Variants in DMD observed in about 807,000 individuals in gnomAD.
DMD encodes the protein dystrophin.
A neutral mutation model predicts 330.1 loss-of-function variants in DMD; 63 were observed. The ratio of observed to expected loss-of-function variants is 0.19; its 90% CI spans 0.16 to 0.24. The LOEUF is 0.24. Among genes scored for constraint, DMD ranks in the 10% least tolerant of loss-of-function variants. The pLI is 1.00. For synonymous variants in DMD, 1,223 were observed against 959.8 expected (o/e 1.27, Z -5.07); for missense variants, 3,344 against 2,684.1 (o/e 1.25, Z -5.43).
intron 1 of DMD, among the ~76,000 whole-genome samples, chrX:33,246,847 A>G (rs1234958306): frequency 9.1e-6 from 1 of 109,791 alleles, no homozygotes; most frequent in African/African-American, 3.3e-5. Context: ...CACCACCCCC[A>G]GCTAATTTTT....
chrX:32,634,021 G>T (rs1197763551), intron 11 of DMD, among the ~76,000 whole-genome samples: 1 of 111,661 alleles, frequency 9.0e-6, no homozygotes, highest in Non-Finnish European at 1.9e-5. Context: ...AAGAACCTAA[G>T]AAATCTACCT....
chrX:32,343,417 C>A (rs1298327230), intron 39 of DMD, 131 bp from the exon 40 acceptor site: 19 of 591,638 alleles, frequency 3.2e-5, no homozygotes, highest in Middle Eastern at 4.5e-4. Flanking sequence ...TATTTAAATG[C>A]AAAATATACA....
chrX:32,988,978 A>G (rs1438663182), intron 2 of DMD, among the ~76,000 whole-genome samples: 1 of 111,878 alleles, frequency 8.9e-6, no homozygotes, highest in African/African-American at 3.2e-5. Context: ...GTTGTGTATT[A>G]GGAAAAATTT....
At chrX:32,452,643 A>G (rs1225009977) in intron 26 of DMD, among the ~76,000 whole-genome samples, 1 of 111,026 alleles carries the variant, frequency 9.0e-6, no homozygotes, top group East Asian at 2.9e-4. Flanking sequence ...ATAAGCAGAG[A>G]GAGAAGTGTG....
chrX:32,376,931 T>C (rs1288672000), intron 34 of DMD, among the ~76,000 whole-genome samples: 2 of 111,479 alleles, frequency 1.8e-5, no homozygotes, highest in Non-Finnish European at 3.8e-5. Flanking sequence ...TAATTTAGGA[T>C]AGGAAATTTC....
chrX:31,658,016 A>T lies in DMD; in HGVS notation c.8001T>A (p.Asn2667Lys). Residue 2667 changes from asparagine to lysine, a missense_variant, in exon 54 of 79, where the codon AAT (asparagine) becomes AAA (lysine). By Grantham distance (94) the Asn-to-Lys change is moderately conservative (BLOSUM62 0). Transcript: ENST00000357033. ...TTTTATGAATGCTTCTCCAAGAGGC[A>T]TTGATATTCTCTGTTATCATGTGGA... ...RKVHMITENI[N>K]ASWRSIHKRV... The T allele has an allele frequency of 5.8e-6, 7 of 1,210,788 alleles. No individual in the cohort carries two copies. Among genetic ancestry groups the T allele is most frequent in the Non-Finnish European group, 7.8e-6 (7 of 894,456 alleles).
At chrX:32,206,873 A>AT (rs1366205962) in intron 44 of DMD, 1 of 311,820 alleles carries the variant, frequency 3.2e-6, no homozygotes, top group African/African-American at 2.7e-5. Context: ...TCCAGATTCC[A>AT]TTGCCAAGAA....
intron 57 of DMD, among the ~76,000 whole-genome samples, chrX:31,480,352 A>G (rs1374444390): frequency 8.9e-6 from 1 of 111,782 alleles, no homozygotes; most frequent in Non-Finnish European, 1.9e-5. Flanking sequence ...GCTATTTACA[A>G]TTCAATAGAG....
At chrX:31,598,465 C>T (rs2077208287) in intron 55 of DMD, among the ~76,000 whole-genome samples, 2 of 111,397 alleles carry the variant, frequency 1.8e-5, no homozygotes, top group African/African-American at 6.5e-5. Context: ...AGTAGAAATA[C>T]TCACTATTTG....
chrX:31,224,520 C>T (rs184519164), intron 63 of DMD, among the ~76,000 whole-genome samples: 39 of 112,071 alleles, frequency 3.5e-4, no homozygotes, highest in Non-Finnish European at 5.8e-4. Context: ...GGATATGGAG[C>T]GACTGGAATT....
chrX:32,380,565 C>T lies in DMD; in HGVS notation c.4790G>A (p.Arg1597Lys), dbSNP rs36072930. ...ACTAGGCATTCCTTCAACTGCTGAT[C>T]TCTTTGTCAATTCCATATCTGTAGC... ...LAATDMELTK[R>K]SAVEGMPSNL... Residue 1597 changes from arginine to lysine, a missense_variant, in exon 34 of 79, where the codon AGA becomes AAA. Transcript: ENST00000357033. The T allele has an allele frequency of 3.3e-6, 4 of 1,208,995 alleles. No homozygotes were observed. Among genetic ancestry groups the T allele is most frequent in the East Asian group, 5.9e-5 (2 of 33,700 alleles).
chrX:32,961,644 A>G (rs2147044226), intron 2 of DMD, among the ~76,000 whole-genome samples: 1 of 111,654 alleles, frequency 9.0e-6, no homozygotes, highest in South Asian at 3.7e-4. Flanking sequence ...TTCCTTTTTA[A>G]AATAAAAAAC....
chrX:32,650,319 AT>A (rs1399182281), intron 9 of DMD, among the ~76,000 whole-genome samples: 1 of 111,958 alleles, frequency 8.9e-6, no homozygotes, highest in Non-Finnish European at 1.9e-5. Flanking sequence ...CTTCAAGAAC[AT>A]TTGCAAATTT....
At chrX:32,319,771 A>T (rs1163060586) in intron 41 of DMD, among the ~76,000 whole-genome samples, 3 of 110,955 alleles carry the variant, frequency 2.7e-5, no homozygotes, top group African/African-American at 9.8e-5. Flanking sequence ...AGATATACTG[A>T]TTTTAGCTTC....
intron 12 of DMD, among the ~76,000 whole-genome samples, chrX:32,602,101 T>C (rs1489199312): frequency 8.9e-6 from 1 of 112,000 alleles, no homozygotes; most frequent in East Asian, 2.8e-4. Context: ...TCTGGAGAAA[T>C]ATACAGTAAG....
rs183819382 is a variant in DMD at position 32,463,588 on chromosome X, C to T, written c.3283G>A (p.Val1095Ile). The T allele has an allele frequency of 8.8e-7, 1 of 1,136,986 alleles. No individual in the cohort carries two copies. The highest frequency in any genetic ancestry group is 1.2e-6 in the Non-Finnish European group (1 of 855,201). The allele number at this position is 1,136,986 out of a possible 1,213,427, so 93.7% of individuals were successfully genotyped here. The change falls in exon 25 of 79, where the codon GTC becomes ATC. Residue 1095 changes from valine (V) to isoleucine (I), a missense_variant. Val to Ile is a conservative substitution (Grantham distance 29). Coordinates refer to ENST00000357033, the MANE Select transcript of DMD (RefSeq NM_004006.3). ...KKQLKQCRLL[V>I]SDIQTIQPSL... is the part of the protein sequence containing the mutation. ...GGCTGAATTGTCTGAATATCACTGACTAAAAGCTAAGAAAATAAATCAATT... is the reference window on the plus strand; with the variant it reads ...GGCTGAATTGTCTGAATATCACTGATTAAAAGCTAAGAAAATAAATCAATT...
At chrX:32,820,007 A>T (rs1442408858) in intron 5 of DMD, among the ~76,000 whole-genome samples, 1 of 111,733 alleles carries the variant, frequency 8.9e-6, no homozygotes, top group South Asian at 3.7e-4. Flanking sequence ...AAGAGTCTAC[A>T]GTCTTGCAGT....
rs999286386 is a variant in DMD, at chrX:32,807,122, T to TAAAAA, written c.649+2366_649+2370dup. On this transcript the variant is annotated intron_variant, in intron 7 of 78. Coordinates refer to ENST00000357033, the MANE Select transcript of DMD (RefSeq NM_004006.3). ...CAGAACTGAAGGAGACGGAAACATT[T>TAAAAA]AAAAAAAAAAAAAAAAAAAAAAAAA... 1.2e-3 allele frequency among the ~76,000 whole-genome samples: 25 copies of TAAAAA among 20,739 alleles called. 1 individual carries two copies. The highest frequency in any genetic ancestry group is 5.5e-3 in the African/African-American group (25 of 4,536). The allele number at this position is 20,739 out of a possible 115,157, so 18.0% of individuals were successfully genotyped here.
Position 31,627,546 on chromosome X carries a change from C to T in DMD, c.8217+127G>A, listed in dbSNP as rs779489289. On this transcript the variant is annotated intron_variant, in intron 55 of 78. Coordinates refer to ENST00000357033, the MANE Select transcript of DMD (RefSeq NM_004006.3). Reference sequence around the variant, plus strand: ...GCCTCTCTCCTCCTTGTCCAAATACCGAAATACATCAGGCTGTATAAAAGC... The same window carrying T: ...GCCTCTCTCCTCCTTGTCCAAATACTGAAATACATCAGGCTGTATAAAAGC... 1.0e-5 allele frequency: 7 copies of T among 676,618 alleles called. No individual in the cohort carries two copies. The African/African-American group carries it at 1.1e-4, about 10-fold the overall frequency. 55.8% of individuals were successfully genotyped at this position (676,618 alleles called of 1,213,427 possible).
Sources: allele counts gnomAD v4.1 joint callset (sites outside exome capture counted in the v4.1 genomes callset), GRCh38; gene constraint gnomAD v4.1.1; transcripts MANE v1.5; gene names NCBI Gene and HGNC (gene_info 2026-07-23, HGNC 2026-07-21).